DGKI: variants seen among roughly 807,000 people sequenced by gnomAD.
DGKI encodes the protein diacylglycerol kinase iota, also known as DAG kinase iota.
DGKI carries 55 observed loss-of-function variants against 147.5 expected under a neutral mutation model. The ratio of observed to expected loss-of-function variants is 0.37; its 90% CI spans 0.30 to 0.47. The LOEUF (loss-of-function observed/expected upper bound fraction) is 0.47. DGKI is among the 20% of genes least tolerant of loss of function. The pLI, the probability that DGKI is intolerant of heterozygous loss-of-function variation, is 1.00. For missense variants in DGKI, 1,007 were observed against 1,323.8 expected (o/e 0.76, Z 3.71); for synonymous variants, 469 against 477.1 (o/e 0.98, Z 0.22).
At chr7:137,767,219 A>G (rs1563188215) in intron 1 of DGKI, among the ~76,000 whole-genome samples, 1 of 152,236 alleles carries the variant, frequency 6.6e-6, no homozygotes, top group Non-Finnish European at 1.5e-5. Flanking sequence ...AGTATGAAAG[A>G]CAGGGCCAAA....
chr7:137,604,586 C>G (rs1395617110), intron 10 of DGKI, among the ~76,000 whole-genome samples: 1 of 152,132 alleles, frequency 6.6e-6, no homozygotes, highest in Non-Finnish European at 1.5e-5. Flanking sequence ...ACCCTGGGAC[C>G]TGTAATCCAA....
chr7:137,618,033 CCT>C (rs893133857), intron 8 of DGKI, among the ~76,000 whole-genome samples: 11 of 144,700 alleles, frequency 7.6e-5, no homozygotes, highest in African/African-American at 2.5e-4. Context: ...GGTATTATCC[CCT>C]GATTTTCCTA....
chr7:137,659,763 T>C (rs968521387), intron 3 of DGKI, among the ~76,000 whole-genome samples: 18 of 152,156 alleles, frequency 1.2e-4, no homozygotes, highest in African/African-American at 4.1e-4. Flanking sequence ...AAAGCTCGTC[T>C]CTACTAAAAA....
intron 28 of DGKI, among the ~76,000 whole-genome samples, chr7:137,441,783 G>A (rs988881338): frequency 6.6e-6 from 1 of 152,142 alleles, no homozygotes; most frequent in Admixed American, 6.5e-5. Flanking sequence ...CAATCCATGT[G>A]TCCAACATGC....
intron 20 of DGKI, among the ~76,000 whole-genome samples, chr7:137,529,502 C>T (rs1039612757): frequency 3.3e-5 from 5 of 152,124 alleles, no homozygotes; most frequent in Admixed American, 6.6e-5. Flanking sequence ...TGTTCAGTGT[C>T]GTGTTCATGG....
chr7:137,455,072 T>C (rs1377347745), intron 27 of DGKI, among the ~76,000 whole-genome samples: 1 of 152,148 alleles, frequency 6.6e-6, no homozygotes, highest in Non-Finnish European at 1.5e-5. Context: ...CTACTTATTT[T>C]TAGGAAATCC....
intron 22 of DGKI, among the ~76,000 whole-genome samples, chr7:137,486,696 CAA>C (rs1167617910): frequency 6.6e-6 from 1 of 151,960 alleles, no homozygotes; most frequent in East Asian, 1.9e-4. Context: ...TTATTTCTAC[CAA>C]GAGAAACAGA....
chr7:137,524,663 A>G (rs6970117), intron 20 of DGKI, among the ~76,000 whole-genome samples: 2,092 of 152,268 alleles, frequency 0.014, 53 homozygotes, highest in African/African-American at 0.047. Context: ...CACAGCAGAT[A>G]AAAGGGAAGC....
intron 1 of DGKI, among the ~76,000 whole-genome samples, chr7:137,703,796 A>T (rs1793906873): frequency 6.6e-6 from 1 of 152,234 alleles, no homozygotes; most frequent in African/African-American, 2.4e-5. Flanking sequence ...ACATTGTATT[A>T]TTTAAAAGGT....
At chr7:137,543,597 A>G (rs1161065001) in intron 20 of DGKI, among the ~76,000 whole-genome samples, 1 of 152,198 alleles carries the variant, frequency 6.6e-6, no homozygotes, top group East Asian at 1.9e-4. Context: ...TTGCTTCAAG[A>G]GCAGCATAAA....
chr7:137,392,304 T>C (rs1811395295), intron 32 of DGKI, among the ~76,000 whole-genome samples: 1 of 152,152 alleles, frequency 6.6e-6, no homozygotes, highest in Non-Finnish European at 1.5e-5. Context: ...GGAGAAAGAG[T>C]GTCCATTCTT....
intron 1 of DGKI, among the ~76,000 whole-genome samples, chr7:137,802,904 C>T (rs968227844): frequency 7.9e-5 from 12 of 151,968 alleles, no homozygotes; most frequent in African/African-American, 2.9e-4. Flanking sequence ...AAGCACTATG[C>T]CAAATGCTAC....
In DGKI at chr7:137,765,044, G is replaced by A. The variant is rs150199443; in HGVS notation, c.402-75042C>T. 1.3e-3 allele frequency among the ~76,000 whole-genome samples: 199 copies of A among 152,298 alleles called. 2 individuals carry two copies. The highest frequency in any genetic ancestry group is 4.5e-3 in the African/African-American group (186 of 41,570). ...CCTTCCATGGTTTCTCCTGAGACAT[G>A]CTTCCAGACCCTCAGGCACCTGCTA... On this transcript the variant is annotated intron_variant, in intron 1 of 32. Transcript: ENST00000614521.
intron 19 of DGKI, among the ~76,000 whole-genome samples, chr7:137,553,569 T>C (rs1646376): frequency 0.11 from 16,611 of 152,164 alleles, 2,046 homozygotes; most frequent in African/African-American, 0.3. Context: ...AAAATGTATT[T>C]AGTATTATTT....
At position 137,811,906 on chromosome 7, in the gene DGKI, C is replaced by G. The variant is rs542611478; in HGVS notation, c.401+34556G>C. Among the ~76,000 whole-genome samples the G allele has an allele frequency of 9.9e-5, 15 of 151,920 alleles. No individual in the cohort carries two copies. The South Asian group carries it at 3.1e-3, about 32-fold the overall frequency. On this transcript the variant is annotated intron_variant, in intron 1 of 32. Transcript: ENST00000614521. ...ACATATATTTAGAATTTCTAATTGC[C>G]CCAGCCTAGGTAGGTAGTGACTCTT... is the stretch of plus-strand genomic sequence containing the variant.
intron 2 of DGKI, among the ~76,000 whole-genome samples, chr7:137,686,469 A>G (rs1823420796): frequency 6.6e-6 from 1 of 152,216 alleles, no homozygotes; most frequent in East Asian, 1.9e-4. Flanking sequence ...TTGCCGAAAA[A>G]TCTTCAAAGA....
At chr7:137,751,078 G>A (rs1483135054) in intron 1 of DGKI, among the ~76,000 whole-genome samples, 1 of 152,150 alleles carries the variant, frequency 6.6e-6, no homozygotes, top group Non-Finnish European at 1.5e-5. Context: ...CCTATCTAAG[G>A]CTTGAAATGA....
chr7:137,788,952 T>G (rs945244113), intron 1 of DGKI, among the ~76,000 whole-genome samples: 5 of 152,232 alleles, frequency 3.3e-5, no homozygotes, highest in Non-Finnish European at 7.3e-5. Context: ...GCAAGTATGA[T>G]TCTTGATACA....
intron 16 of DGKI, 133 bp from the exon 17 acceptor site, chr7:137,577,417 C>T (rs1280428378): frequency 9.0e-6 from 6 of 670,120 alleles, no homozygotes; most frequent in Non-Finnish European, 1.5e-5. Context: ...CTGCAGAATC[C>T]AAAGTAAAGC....
Sources: gnomAD v4.1 joint callset for allele counts (sites outside exome capture counted in the v4.1 genomes callset) on GRCh38, gnomAD v4.1.1 for gene constraint, MANE v1.5 for transcripts, NCBI Gene and HGNC (gene_info 2026-07-23, HGNC 2026-07-21) for gene names.